KIAA1328: variants seen among roughly 807,000 people sequenced by gnomAD.
KIAA1328 encodes protein hinderin.
In KIAA1328, 52 loss-of-function variants were observed where a neutral mutation model predicts 68.1. That is an observed-to-expected ratio of 0.76 (90% CI 0.61 to 0.96). The LOEUF is 0.96. Ranked by LOEUF, KIAA1328 falls within the 40% of genes least tolerant of loss-of-function variation. The pLI is 0.00. For synonymous variants in KIAA1328, 232 were observed against 239.4 expected, an observed-to-expected ratio of 0.97 and a Z score of 0.28; for missense variants, 641 against 677.6, an observed-to-expected ratio of 0.95 and a Z score of 0.60.
chr18:37,125,303 G>C (rs1434525382), intron 7 of KIAA1328, among the ~76,000 whole-genome samples: 1 of 152,158 alleles, frequency 6.6e-6, no homozygotes, highest in Non-Finnish European at 1.5e-5. Flanking sequence ...CTGGGTGACA[G>C]AGTAAGACCC....
At chr18:37,080,145 A>G (rs972332436) in intron 7 of KIAA1328, among the ~76,000 whole-genome samples, 1 of 152,164 alleles carries the variant, frequency 6.6e-6, no homozygotes, top group Non-Finnish European at 1.5e-5. Context: ...TTAACTTCTA[A>G]AAATGTATAC....
At chr18:37,217,813 C>T (rs1043495582) in intron 9 of KIAA1328, among the ~76,000 whole-genome samples, 6 of 152,180 alleles carry the variant, frequency 3.9e-5, no homozygotes, top group African/African-American at 7.2e-5. Flanking sequence ...ACCAATCAAA[C>T]GTAGATTTGG....
intron 6 of KIAA1328, among the ~76,000 whole-genome samples, chr18:36,977,520 A>C (rs1262386838): frequency 1.3e-5 from 2 of 152,060 alleles, no homozygotes; most frequent in Non-Finnish European, 2.9e-5. Flanking sequence ...ATACTCTTAC[A>C]TGTCTACTCT....
intron 4 of KIAA1328, among the ~76,000 whole-genome samples, chr18:36,864,375 C>T (rs1163295255): frequency 1.3e-5 from 2 of 150,520 alleles, no homozygotes; most frequent in African/African-American, 2.4e-5. Flanking sequence ...AATCTCGGCT[C>T]ACTGCAAGCT....
intron 4 of KIAA1328, among the ~76,000 whole-genome samples, chr18:36,880,875 TA>T (rs1280428805): frequency 1.3e-5 from 2 of 152,182 alleles, no homozygotes; most frequent in Admixed American, 6.5e-5. Context: ...GTGAAATACA[TA>T]AGTTAATTTT....
At position 37,113,090 on chromosome 18, in the gene KIAA1328, A is replaced by G. The variant is rs370020700; in HGVS notation, c.1232+45545A>G. ...ACCAAGTTGGAAAATACTCTTCAGG[A>G]TATCAACCAGGAGAACTTCCCCAAC... is the stretch of plus-strand genomic sequence containing the variant. On this transcript the variant is annotated intron_variant, in intron 7 of 9. Transcript: ENST00000280020. 1.3e-4 allele frequency among the ~76,000 whole-genome samples: 20 copies of G among 152,342 alleles called. No homozygotes were observed. The East Asian group carries it at 3.7e-3, about 28-fold the overall frequency.
chr18:36,980,361 T>C (rs770179376), intron 6 of KIAA1328, among the ~76,000 whole-genome samples: 7 of 152,222 alleles, frequency 4.6e-5, no homozygotes, highest in East Asian at 1.9e-4. Context: ...GGGACAGATA[T>C]ACTGGTGGGG....
At chr18:37,065,999 A>T (rs2151729915) in intron 6 of KIAA1328, among the ~76,000 whole-genome samples, 1 of 152,322 alleles carries the variant, frequency 6.6e-6, no homozygotes, top group Middle Eastern at 3.4e-3. Flanking sequence ...GTGGTCCCAG[A>T]TCAGCAACAT....
At chr18:37,050,389 G>C (rs2055646731) in intron 6 of KIAA1328, among the ~76,000 whole-genome samples, 1 of 151,966 alleles carries the variant, frequency 6.6e-6, no homozygotes, top group Admixed American at 6.6e-5. Context: ...CTTCCATGGG[G>C]TTCCCTTGTC....
At chr18:36,837,230 A>G (rs2046708355) in intron 3 of KIAA1328, among the ~76,000 whole-genome samples, 1 of 152,168 alleles carries the variant, frequency 6.6e-6, no homozygotes, top group Non-Finnish European at 1.5e-5. Flanking sequence ...ATGAGGATTC[A>G]GATTTCTCCA....
chr18:37,165,401 T>TTTTA lies in KIAA1328; in HGVS notation c.1414+5041_1414+5044dup, dbSNP rs542527159. On this transcript the variant is annotated intron_variant, in intron 8 of 9. Transcript: ENST00000280020. ...ATTTTAGCTGAAGGGTTTTTTTTAT[T>TTTTA]TTTATTTATTTATTTATTTATTTAC... Among the ~76,000 whole-genome samples the TTTTA allele has an allele frequency of 6.8e-4, 103 of 151,646 alleles. 1 individual carries two copies. The South Asian group carries it at 0.013, about 18-fold the overall frequency.
At chr18:36,973,439 G>A (rs537874329) in intron 6 of KIAA1328, among the ~76,000 whole-genome samples, 38 of 152,078 alleles carry the variant, frequency 2.5e-4, no homozygotes, top group Middle Eastern at 3.4e-3. Flanking sequence ...AAACCTACAC[G>A]TTGTGCACAT....
intron 5 of KIAA1328, among the ~76,000 whole-genome samples, chr18:36,923,434 A>G (rs1003087007): frequency 6.6e-6 from 1 of 152,184 alleles, no homozygotes; most frequent in Non-Finnish European, 1.5e-5. Context: ...AAGAGAGAAG[A>G]CAAATTACCA....
At position 37,223,919 on chromosome 18, in the gene KIAA1328, A is replaced by G; in HGVS notation, c.*1692A>G. On this transcript the variant is annotated 3_prime_UTR_variant, in exon 10 of 10. Transcript: ENST00000280020. ...ATAAAGTCAAGACTAACTAGTTATA[A>G]TCATTCCCTTAAAAAGTTGGAAAAT... The G allele has an allele frequency of 1.0e-6, 1 of 983,360 alleles. No individual in the cohort carries two copies. The highest frequency in any genetic ancestry group is 1.1e-4 in the East Asian group (1 of 8,804). 60.9% of individuals were successfully genotyped at this position (983,360 alleles called of 1,614,324 possible).
At chr18:37,200,684 G>A (rs113979291) in intron 9 of KIAA1328, among the ~76,000 whole-genome samples, 3,120 of 151,916 alleles carry the variant, frequency 0.021, 60 homozygotes, top group East Asian at 0.09. Context: ...GGTGGCGGGC[G>A]CCTGTAGTCC....
Position 37,158,937 on chromosome 18 carries a change from A to G in KIAA1328, c.1233-1263A>G, listed in dbSNP as rs188104118. Among the ~76,000 whole-genome samples, 6 of 152,190 alleles carry G rather than the reference A, an allele frequency of 3.9e-5. No individual in the cohort carries two copies. In the South Asian group the frequency reaches 8.3e-4, roughly 21 times the overall value. ...GACGTAAATTTATATAACATTCACA[A>G]TAAGGTACTTTTATTTTCCGTATTT... On this transcript the variant is annotated intron_variant, in intron 7 of 9. Coordinates refer to ENST00000280020, the MANE Select transcript of KIAA1328 (RefSeq NM_020776.3).
intron 5 of KIAA1328, among the ~76,000 whole-genome samples, chr18:36,904,544 T>C (rs1288410542): frequency 6.6e-6 from 1 of 152,142 alleles, no homozygotes; most frequent in Non-Finnish European, 1.5e-5. Flanking sequence ...TGACCTACTC[T>C]AGCTTCTGAT....
intron 5 of KIAA1328, among the ~76,000 whole-genome samples, chr18:36,924,648 T>C (rs771485449): frequency 6.6e-6 from 1 of 152,186 alleles, no homozygotes; most frequent in Admixed American, 6.5e-5. Context: ...CAGAATATAG[T>C]TGGCTTTTTG....
Position 37,221,768 on chromosome 18 carries a change from C to A in KIAA1328, c.1524-249C>A, listed in dbSNP as rs2060567734. Reference sequence around the variant, plus strand: ...ATGATTACTCTTCCCACTCTACAATCTCTCTTCATAAGTTATAAAGGAATG... The same window carrying A: ...ATGATTACTCTTCCCACTCTACAATATCTCTTCATAAGTTATAAAGGAATG... On this transcript the variant is annotated intron_variant, in intron 9 of 9. Coordinates refer to ENST00000280020, the MANE Select transcript of KIAA1328 (RefSeq NM_020776.3). Among the ~76,000 whole-genome samples the A allele has an allele frequency of 3.9e-5, 6 of 152,288 alleles. No individual in the cohort carries two copies. In the South Asian group the frequency reaches 1.2e-3, roughly 32 times the overall value.
Sources: allele counts gnomAD v4.1 joint callset (sites outside exome capture counted in the v4.1 genomes callset), GRCh38; gene constraint gnomAD v4.1.1; transcripts MANE v1.5; gene names NCBI Gene and HGNC (gene_info 2026-07-23, HGNC 2026-07-21).